Variants in TRPM3 observed in about 807,000 individuals in gnomAD.
TRPM3 encodes transient receptor potential cation channel subfamily M member 3.
TRPM3 carries 77 observed loss-of-function variants against 181.2 expected under a neutral mutation model. The ratio of observed to expected loss-of-function variants is 0.42; its 90% CI spans 0.35 to 0.51. The LOEUF is 0.51. Among genes scored for constraint, TRPM3 ranks in the 20% least tolerant of loss-of-function variants. The probability of loss-of-function intolerance (pLI) is 0.01; values close to 1 mark genes in which losing one functional copy is unlikely to be tolerated. For synonymous variants in TRPM3, 745 were observed against 796.4 expected, an observed-to-expected ratio of 0.94 and a Z score of 1.09; for missense variants, 1,759 against 2,196.7, an observed-to-expected ratio of 0.80 and a Z score of 3.98.
intron 1 of TRPM3, among the ~76,000 whole-genome samples, chr9:71,014,033 A>AT (rs1014110598): frequency 6.6e-5 from 10 of 151,798 alleles, no homozygotes; most frequent in African/African-American, 1.4e-4. Context: ...TTATTTATAA[A>AT]TTTTTTTACT....
chr9:70,584,065 G>A (rs571793391), intron 22 of TRPM3, among the ~76,000 whole-genome samples: 5 of 151,922 alleles, frequency 3.3e-5, no homozygotes, highest in South Asian at 2.1e-4. Flanking sequence ...TTTGAGACAG[G>A]GTCTTGCTCT....
intron 25 of TRPM3, among the ~76,000 whole-genome samples, chr9:70,548,593 T>C (rs1768465436): frequency 6.6e-6 from 1 of 152,238 alleles, no homozygotes; most frequent in South Asian, 2.1e-4. Flanking sequence ...GTTAGGCCTT[T>C]CTACACTATT....
chr9:70,905,083 C>A (rs925909510), intron 1 of TRPM3, among the ~76,000 whole-genome samples: 1 of 152,150 alleles, frequency 6.6e-6, no homozygotes, highest in Non-Finnish European at 1.5e-5. Flanking sequence ...GATATGACTC[C>A]CATCAATCAT....
At chr9:71,156,411 ACACACACAC>A (rs1340804051) in intron 1 of TRPM3, among the ~76,000 whole-genome samples, 213 of 145,052 alleles carry the variant, frequency 1.5e-3, no homozygotes, top group African/African-American at 4.5e-3. Context: ...ACACACACAC[ACACACACAC>A]AAGGCTTATC....
At chr9:71,412,383 A>C (rs1480145984) in intron 1 of TRPM3, among the ~76,000 whole-genome samples, 1 of 152,208 alleles carries the variant, frequency 6.6e-6, no homozygotes, top group African/African-American at 2.4e-5. Flanking sequence ...ATCTACAAAG[A>C]ACTTAAACAA....
chr9:70,864,156 C>A (rs560854684), intron 2 of TRPM3, among the ~76,000 whole-genome samples: 1 of 151,964 alleles, frequency 6.6e-6, no homozygotes, highest in African/African-American at 2.4e-5. Context: ...AAACCAATAA[C>A]CATAACAAAA....
chr9:70,782,956 A>G (rs1588272236), intron 7 of TRPM3, among the ~76,000 whole-genome samples: 1 of 151,900 alleles, frequency 6.6e-6, no homozygotes, highest in African/African-American at 2.4e-5. Flanking sequence ...GAGGAAGGGG[A>G]TAGGGAGAGA....
chr9:71,076,759 C>T (rs950361491), intron 1 of TRPM3, among the ~76,000 whole-genome samples: 6 of 152,136 alleles, frequency 3.9e-5, no homozygotes, highest in Non-Finnish European at 5.9e-5. Flanking sequence ...GCAATGCTCA[C>T]GGCCCATCTT....
chr9:71,095,755 T>C (rs367597101), intron 1 of TRPM3, among the ~76,000 whole-genome samples: 1 of 93,834 alleles, frequency 1.1e-5, no homozygotes, highest in Non-Finnish European at 2.0e-5. Context: ...TGAGACTCTG[T>C]GTCAAAAAAA....
chr9:70,567,277 G>A lies in TRPM3; in HGVS notation c.3224-13967C>T, dbSNP rs530184681. ...CCATCATAAAGTATGTAAAGAGAAA[G>A]GGTAGATTTAAATTCTCATTTTCAG... On this transcript the variant is annotated intron_variant, in intron 22 of 25. Coordinates refer to ENST00000677713, the MANE Select transcript of TRPM3 (RefSeq NM_001366145.2). 4.1e-3 allele frequency among the ~76,000 whole-genome samples: 618 copies of A among 152,324 alleles called. 2 individuals are homozygous for A. The highest frequency in any genetic ancestry group is 6.8e-3 in the Admixed American group (104 of 15,302).
chr9:71,291,580 C>CA (rs1356274934), intron 1 of TRPM3, among the ~76,000 whole-genome samples: 1 of 151,882 alleles, frequency 6.6e-6, no homozygotes, highest in Non-Finnish European at 1.5e-5. Flanking sequence ...GACCCTAAGG[C>CA]AAAAATATTA....
chr9:71,206,551 T>G (rs2079134765), intron 1 of TRPM3, among the ~76,000 whole-genome samples: 1 of 152,184 alleles, frequency 6.6e-6, no homozygotes, highest in African/African-American at 2.4e-5. Flanking sequence ...TTCACTCTGA[T>G]GATAGTTTCT....
chr9:71,237,062 G>GAAA (rs2081394711), intron 1 of TRPM3, among the ~76,000 whole-genome samples: 1 of 94,900 alleles, frequency 1.1e-5, no homozygotes, highest in African/African-American at 3.5e-5. Context: ...AAAAAAAAAG[G>GAAA]GGGGGGGAAA....
chr9:71,398,498 T>C (rs1482345314), intron 1 of TRPM3, among the ~76,000 whole-genome samples: 1 of 152,124 alleles, frequency 6.6e-6, no homozygotes, highest in Non-Finnish European at 1.5e-5. Flanking sequence ...TGGGGGTGGA[T>C]TTCCCCCATG....
chr9:71,383,730 A>G (rs184319381), intron 1 of TRPM3, among the ~76,000 whole-genome samples: 1 of 152,284 alleles, frequency 6.6e-6, no homozygotes, highest in East Asian at 1.9e-4. Context: ...AAACACATCA[A>G]TCTTACCAAG....
chr9:70,877,479 T>C (rs887929160), intron 1 of TRPM3, among the ~76,000 whole-genome samples: 3 of 152,124 alleles, frequency 2.0e-5, no homozygotes, highest in South Asian at 2.1e-4. Flanking sequence ...TTTTTGTAAG[T>C]AGCAATTTCA....
chr9:70,990,157 T>A (rs1590348282), intron 1 of TRPM3, among the ~76,000 whole-genome samples: 1 of 152,318 alleles, frequency 6.6e-6, no homozygotes, highest in Non-Finnish European at 1.5e-5. Flanking sequence ...CCTATTCTAT[T>A]CTGAGACAAG....
chr9:71,092,114 G>A (rs2066324248), intron 1 of TRPM3, among the ~76,000 whole-genome samples: 2 of 152,108 alleles, frequency 1.3e-5, no homozygotes, highest in African/African-American at 4.8e-5. Context: ...TTCTAGCCCA[G>A]CCTCTGACAG....
intron 1 of TRPM3, among the ~76,000 whole-genome samples, chr9:71,446,257 C>T (rs1199520980): frequency 1.3e-5 from 2 of 152,170 alleles, no homozygotes; most frequent in Non-Finnish European, 2.9e-5. Context: ...TTCTATTCCG[C>T]CCTCATTCAG....
Sources: gnomAD v4.1 joint callset for allele counts (sites outside exome capture counted in the v4.1 genomes callset) on GRCh38, gnomAD v4.1.1 for gene constraint, MANE v1.5 for transcripts, NCBI Gene and HGNC (gene_info 2026-07-23, HGNC 2026-07-21) for gene names.